FHAD1: variants seen among roughly 807,000 people sequenced by gnomAD.
FHAD1 encodes forkhead-associated domain-containing protein 1.
Under a neutral mutation model 191.3 loss-of-function variants are expected in FHAD1, and 146 were observed. The ratio of observed to expected loss-of-function variants is 0.76; its 90% CI spans 0.67 to 0.88. The LOEUF (loss-of-function observed/expected upper bound fraction) is 0.88, where lower values mean the gene tolerates loss of function less well. Ranked by LOEUF, FHAD1 falls within the 40% of genes least tolerant of loss-of-function variation. The probability of loss-of-function intolerance (pLI) is 0.00; values close to 1 mark genes in which losing one functional copy is unlikely to be tolerated. For missense variants in FHAD1, 1,635 were observed against 1,785.8 expected (o/e 0.92, Z 1.52); for synonymous variants, 616 against 672.3 (o/e 0.92, Z 1.29).
chr1:15,244,448 T>C (rs535726949), upstream of FHAD1, among the ~76,000 whole-genome samples: 11 of 152,284 alleles, frequency 7.2e-5, no homozygotes, highest in African/African-American at 1.7e-4. This position sits in a 1 kb window ranked among gnomAD's most constrained non-coding sequence, Gnocchi z 5.1. Flanking sequence ...GTCTGTCTGA[T>C]AGCAAGTTTG....
intron 22 of FHAD1, 108 bp from the exon 23 acceptor site, chr1:15,362,534 G>T: frequency 1.2e-6 from 1 of 838,276 alleles, no homozygotes; most frequent in Non-Finnish European, 2.0e-6. Context: ...GGTGGAGAGG[G>T]CTGCAGGTGG....
At position 15,317,932 on chromosome 1, in the gene FHAD1, CG is replaced by C; in HGVS notation, c.1365+5del. The C allele has an allele frequency of 1.9e-6, 3 of 1,541,552 alleles. No homozygotes were observed. The highest frequency in any genetic ancestry group is 1.8e-6 in the Non-Finnish European group (2 of 1,137,844). The stretch of plus-strand genomic sequence containing the variant: ...GACTCTGAGAGAAAAAAGCAAGGTA[CG>C]TAGTGGACAACAGGCCCAGAGAGTG... On this transcript the variant is annotated splice_donor_5th_base_variant and intron_variant, in intron 10 of 33. Transcript: ENST00000688493.
intron 33 of FHAD1, among the ~76,000 whole-genome samples, chr1:15,394,076 T>A (rs139571761): frequency 8.5e-4 from 129 of 152,298 alleles, no homozygotes; most frequent in African/African-American, 3.0e-3. Context: ...ACCCCTGCCT[T>A]TTCATTCTAA....
At position 15,327,061 on chromosome 1, in the gene FHAD1, G is replaced by A; in HGVS notation, c.1476G>A (p.Leu492=). 1 of 1,550,176 alleles carries A rather than the reference G, an allele frequency of 6.5e-7. No homozygotes were observed. The highest frequency in any genetic ancestry group is 8.7e-7 in the Non-Finnish European group (1 of 1,145,996). Residue 492 remains leucine (L), a splice_region_variant and synonymous_variant, in exon 12 of 34, where the codon CTG becomes CTA. Transcript: ENST00000688493. The surrounding 1 kb of genome is among the most constrained non-coding windows in gnomAD (Gnocchi z 5.1). ...KINLERAVGQ[L]EHFRSQVIKA... is the part of the protein sequence containing the mutation. Reference sequence around the variant, plus strand: ...CTGTTGCCCCCTCTCTGCTGCAGCTGGAGCACTTCAGAAGTCAAGTCATCA... The same window carrying A: ...CTGTTGCCCCCTCTCTGCTGCAGCTAGAGCACTTCAGAAGTCAAGTCATCA...
At chr1:15,319,059 GCCTCAA>G (rs1675454771) in intron 10 of FHAD1, among the ~76,000 whole-genome samples, 1 of 151,882 alleles carries the variant, frequency 6.6e-6, no homozygotes, top group East Asian at 1.9e-4. Flanking sequence ...TGAACTGCTG[GCCTCAA>G]GCAGTCCTCC....
chr1:15,311,441 G>A lies in FHAD1; in HGVS notation c.1040-1616G>A, dbSNP rs1282798138. On this transcript the variant is annotated intron_variant, in intron 7 of 33. Coordinates refer to ENST00000688493, the MANE Select transcript of FHAD1 (RefSeq NM_001391957.1). The surrounding 1 kb of genome is among the most constrained non-coding windows in gnomAD (Gnocchi z 4.1). Reference sequence around the variant, plus strand: ...AATGGGGCAACCTTGCACTACACAGGGCACCTGGTAGAGACTCAAGCCAAA... The same window carrying A: ...AATGGGGCAACCTTGCACTACACAGAGCACCTGGTAGAGACTCAAGCCAAA... Among the ~76,000 whole-genome samples, 1 of 152,104 alleles carries A rather than the reference G, an allele frequency of 6.6e-6. No homozygotes were observed. Among genetic ancestry groups the A allele is most frequent in the Non-Finnish European group, 1.5e-5 (1 of 68,024 alleles).
downstream of FHAD1, among the ~76,000 whole-genome samples, chr1:15,400,776 C>T (rs902872340): frequency 3.3e-5 from 5 of 152,228 alleles, no homozygotes; most frequent in Non-Finnish European, 7.3e-5. Context: ...ATCCTTCAGC[C>T]GACTGGACTA....
chr1:15,334,737 C>G (rs1167672042), intron 14 of FHAD1: 2 of 152,216 alleles, frequency 1.3e-5, no homozygotes, highest in African/African-American at 4.8e-5. Flanking sequence ...GGGTAGCCAC[C>G]AGGCAGGTAG....
intron 2 of FHAD1, among the ~76,000 whole-genome samples, chr1:15,255,058 A>G (rs1049483783): frequency 9.2e-5 from 14 of 151,712 alleles, no homozygotes; most frequent in African/African-American, 3.4e-4. Flanking sequence ...TCAACAGTCA[A>G]TTTATCATTT....
upstream of FHAD1, among the ~76,000 whole-genome samples, chr1:15,242,760 C>T (rs1277826189): frequency 1.3e-5 from 2 of 152,130 alleles, no homozygotes; most frequent in African/African-American, 2.4e-5. Context: ...AAAGTTTCTC[C>T]AGAGTGTTTG....
At chr1:15,346,257 G>A (rs571522301) in intron 18 of FHAD1, among the ~76,000 whole-genome samples, 19 of 152,278 alleles carry the variant, frequency 1.2e-4, no homozygotes, top group Middle Eastern at 6.8e-3. Context: ...ACTAAAAAGG[G>A]CCTGTGGAAG....
At chr1:15,275,555 G>C (rs186659180) in intron 3 of FHAD1, among the ~76,000 whole-genome samples, 6 of 152,308 alleles carry the variant, frequency 3.9e-5, no homozygotes, top group African/African-American at 9.6e-5. Context: ...ATTCGTGCAG[G>C]CTTCCTCTTA....
chr1:15,312,558 A>C lies in FHAD1; in HGVS notation c.1040-499A>C, dbSNP rs1672602794. Among the ~76,000 whole-genome samples, 1 of 152,192 alleles carries C rather than the reference A, an allele frequency of 6.6e-6. No homozygotes were observed. Among genetic ancestry groups the C allele is most frequent in the Non-Finnish European group, 1.5e-5 (1 of 68,034 alleles). On this transcript the variant is annotated intron_variant, in intron 7 of 33. Coordinates refer to ENST00000688493, the MANE Select transcript of FHAD1 (RefSeq NM_001391957.1). This position sits in a 1 kb window ranked among gnomAD's most constrained non-coding sequence, Gnocchi z 4.7. ...GTACCTGTAGTCCTAGCTACTTGGG[A>C]GGCCAAGGCAGGAGGATCGCCTGAG...
Position 15,324,442 on chromosome 1 carries a change from G to C in FHAD1, c.1366-10G>C, listed in dbSNP as rs1269471984. On this transcript the variant is annotated splice_polypyrimidine_tract_variant and intron_variant, in intron 10 of 33. Coordinates refer to ENST00000688493, the MANE Select transcript of FHAD1 (RefSeq NM_001391957.1). ...TTAGCAGCAAGTACTCGCTTTCATC[G>C]TCATTTCAGGTTGAAGAGAAGCTTC... The C allele has an allele frequency of 1.9e-6, 3 of 1,543,446 alleles. No individual in the cohort carries two copies. In the Admixed American group the frequency reaches 5.9e-5, roughly 30 times the overall value.
chr1:15,329,704 TAA>T lies in FHAD1; in HGVS notation c.1906+173_1906+174del, dbSNP rs111349324. The T allele has an allele frequency of 3.2e-5, 14 of 435,582 alleles. No individual in the cohort carries two copies. Among genetic ancestry groups the T allele is most frequent in the South Asian group, 8.2e-5 (2 of 24,414 alleles). The allele number at this position is 435,582 out of a possible 1,614,324, so 27.0% of individuals were successfully genotyped here. A position where few individuals can be genotyped will look rare whatever the true frequency, so the allele number is the denominator to read the frequency against. On this transcript the variant is annotated intron_variant, in intron 14 of 33. Transcript: ENST00000688493. This position sits in a 1 kb window ranked among gnomAD's most constrained non-coding sequence, Gnocchi z 5.0. ...CTCTGCTTGAGGCGTAATTTTCCATTAAAAAAAAAAACACACACATACAAGTG... is the reference window on the plus strand; with the variant it reads ...CTCTGCTTGAGGCGTAATTTTCCATTAAAAAAAAACACACACATACAAGTG...
chr1:15,290,986 T>A (rs1028521726), intron 4 of FHAD1, among the ~76,000 whole-genome samples: 1 of 152,106 alleles, frequency 6.6e-6, no homozygotes, highest in African/African-American at 2.4e-5. Context: ...AGTGCTGGGA[T>A]TACAGACATG....
intron 18 of FHAD1, 26 bp downstream of exon 18, chr1:15,345,549 T>C: frequency 6.5e-7 from 1 of 1,535,822 alleles, no homozygotes; most frequent in Non-Finnish European, 8.8e-7. Flanking sequence ...TAGAGTCGGC[T>C]GAGCCCCAGT....
chr1:15,360,420 T>G, intron 21 of FHAD1, 58 bp from the exon 22 acceptor site: 1 of 1,461,728 alleles, frequency 6.8e-7, no homozygotes, highest in Non-Finnish European at 9.4e-7. Flanking sequence ...GGGGGCATAT[T>G]ATTGTTGCCG....
At chr1:15,383,956 G>T in intron 31 of FHAD1, 1 of 386,208 alleles carries the variant, frequency 2.6e-6, no homozygotes. Flanking sequence ...GTAACTGTCA[G>T]CTTTTATGTG....
Sources: gnomAD v4.1 joint callset for allele counts (sites outside exome capture counted in the v4.1 genomes callset) on GRCh38, gnomAD v4.1.1 for gene constraint, Gnocchi (gnomAD v3.1) non-coding constraint, MANE v1.5 for transcripts, NCBI Gene and HGNC (gene_info 2026-07-23, HGNC 2026-07-21) for gene names.